Variants in ZNF469 observed in about 807,000 individuals in gnomAD.
ZNF469 encodes zinc finger protein 469.
Under a neutral mutation model 1.0 loss-of-function variants are expected in ZNF469, and 1 was observed. The ratio of observed to expected loss-of-function variants is 1.00; its 90% CI spans 0.35 to 4.73. The LOEUF (loss-of-function observed/expected upper bound fraction) is 4.73. Ranked by LOEUF, ZNF469 falls within the 30% of genes most tolerant of loss-of-function variation. ZNF469 has a pLI of 0.16. For missense variants in ZNF469, 6,100 were observed against 5,356.3 expected (o/e 1.14, Z -4.33); for synonymous variants, 2,703 against 2,363.4 (o/e 1.14, Z -4.17).
the ZNF469 span, among the ~76,000 whole-genome samples, chr16:88,140,092 G>C: frequency 6.6e-6 from 1 of 152,202 alleles, no homozygotes; most frequent in African/African-American, 2.4e-5. Context: ...GGAAATACAT[G>C]TGTTTATCTA....
At chr16:88,164,177 G>A in the ZNF469 span, among the ~76,000 whole-genome samples, 1 of 151,566 alleles carries the variant, frequency 6.6e-6, no homozygotes, top group Non-Finnish European at 1.5e-5. Flanking sequence ...TGGATGGATG[G>A]ATGGACGAGT....
chr16:88,264,856 C>T, the ZNF469 span, among the ~76,000 whole-genome samples: 1 of 152,198 alleles, frequency 6.6e-6, no homozygotes, highest in Non-Finnish European at 1.5e-5. Flanking sequence ...TGCTCAGATG[C>T]TCACTGCGCT....
the ZNF469 span, among the ~76,000 whole-genome samples, chr16:88,155,517 G>T: frequency 1.3e-5 from 2 of 152,200 alleles, no homozygotes; most frequent in African/African-American, 2.4e-5. Context: ...TTCTGCTTCT[G>T]TGGATTTGCC....
chr16:88,130,124 G>A, the ZNF469 span, among the ~76,000 whole-genome samples: 5 of 152,240 alleles, frequency 3.3e-5, no homozygotes, highest in East Asian at 1.9e-4. Context: ...CATTACCATC[G>A]GGCGCTGTTT....
chr16:88,282,627 G>A, the ZNF469 span, among the ~76,000 whole-genome samples: 8 of 152,150 alleles, frequency 5.3e-5, no homozygotes, highest in East Asian at 1.9e-4. Flanking sequence ...CTGCAGAGAC[G>A]TCGGATTGCA....
intron 1 of ZNF469, among the ~76,000 whole-genome samples, chr16:88,389,722 G>A (rs1369442200): frequency 6.6e-6 from 1 of 152,204 alleles, no homozygotes; most frequent in Non-Finnish European, 1.5e-5. Context: ...TTCAAACTGG[G>A]AATGGGGCTC....
chr16:88,130,854 C>G, the ZNF469 span, among the ~76,000 whole-genome samples: 3 of 152,208 alleles, frequency 2.0e-5, no homozygotes, highest in Non-Finnish European at 4.4e-5. Flanking sequence ...ACGACGCTGC[C>G]TGGGATGGCG....
At chr16:88,102,714 G>A in the ZNF469 span, among the ~76,000 whole-genome samples, 14 of 152,298 alleles carry the variant, frequency 9.2e-5, no homozygotes, top group Non-Finnish European at 1.6e-4. Context: ...TGCAGACGCC[G>A]TACTTGGATT....
intron 1 of ZNF469, among the ~76,000 whole-genome samples, chr16:88,415,776 G>A (rs955010746): frequency 2.0e-5 from 3 of 152,340 alleles, no homozygotes; most frequent in African/African-American, 4.8e-5. Flanking sequence ...TCTGCAAACC[G>A]GGACCGACGG....
chr16:88,424,533 C>A lies in ZNF469; in HGVS notation c.-191-274C>A, dbSNP rs1905617695. Among the ~76,000 whole-genome samples the A allele has an allele frequency of 6.6e-6, 1 of 152,070 alleles. No homozygotes were observed. Among genetic ancestry groups the A allele is most frequent in the South Asian group, 2.1e-4 (1 of 4,824 alleles). ...CACAATCTATGCGTACATAAAGACC[C>A]AACAAAAAGAGATTTAAGATAGCCG... On this transcript the variant is annotated intron_variant, in intron 1 of 2. Coordinates refer to ENST00000565624, the MANE Select transcript of ZNF469 (RefSeq NM_001367624.2). This position sits in a 1 kb window ranked among gnomAD's most constrained non-coding sequence, Gnocchi z 4.3.
In ZNF469 at chr16:88,439,338, A is replaced by G. The variant is rs1490093549; in HGVS notation, c.*6A>G. The stretch of plus-strand genomic sequence containing the variant: ...AGAAAGATGCTTCCGAGTAATTTCT[A>G]GGAGCAAGAGCCTGGGACCGGAGCT... On this transcript the variant is annotated 3_prime_UTR_variant, in exon 3 of 3. Transcript: ENST00000565624. The G allele has an allele frequency of 6.5e-7, 1 of 1,550,242 alleles. No individual in the cohort carries two copies. The highest frequency in any genetic ancestry group is 8.7e-7 in the Non-Finnish European group (1 of 1,146,968).
Position 88,431,724 on chromosome 16 carries a change from C to T in ZNF469, c.4254C>T (p.Asp1418=). The T allele has an allele frequency of 2.6e-6, 4 of 1,550,298 alleles. No homozygotes were observed. Among genetic ancestry groups the T allele is most frequent in the Non-Finnish European group, 3.5e-6 (4 of 1,146,980 alleles). The change falls in exon 3 of 3, where the codon GAC becomes GAT. Residue 1418 remains aspartate, a synonymous_variant. Transcript: ENST00000565624. The part of the protein sequence containing the change: ...PPASSSCLCQ[D]GEDAGSLEPQ... ...CCAGCAGCTCCTGCCTTTGCCAGGA[C>T]GGCGAGGATGCCGGTTCCCTCGAGC...
At position 88,435,676 on chromosome 16, in the gene ZNF469, G is replaced by C. The variant is rs374110064; in HGVS notation, c.8206G>C (p.Asp2736His). The change falls in exon 3 of 3, where the codon GAT becomes CAT. Residue 2736 changes from aspartate to histidine, a missense_variant. Physicochemically the swap from Asp to His is moderately conservative, Grantham distance 81. Coordinates refer to ENST00000565624, the MANE Select transcript of ZNF469 (RefSeq NM_001367624.2). ...TCGGATGCTGTGTCCAGGGAGGATG[G>C]ATGGTGCAGCTCTGGGGGAACAGCC... The part of the protein sequence containing the change: ...GDRMLCPGRM[D>H]GAALGEQPTG... The C allele has an allele frequency of 1.9e-6, 3 of 1,550,486 alleles. No individual in the cohort carries two copies. The African/African-American group carries it at 4.1e-5, about 21-fold the overall frequency.
chr16:88,275,203 G>A, the ZNF469 span, among the ~76,000 whole-genome samples: 1 of 152,168 alleles, frequency 6.6e-6, no homozygotes, highest in African/African-American at 2.4e-5. Flanking sequence ...TTTATGTCTC[G>A]CTGACAGTCC....
At chr16:88,208,102 G>C in the ZNF469 span, among the ~76,000 whole-genome samples, 5 of 151,916 alleles carry the variant, frequency 3.3e-5, no homozygotes, top group Admixed American at 3.3e-4. Flanking sequence ...GTGGACTCGT[G>C]GCTTTTTAAA....
the ZNF469 span, among the ~76,000 whole-genome samples, chr16:88,249,727 C>T: frequency 6.6e-5 from 10 of 152,220 alleles, no homozygotes; most frequent in East Asian, 1.9e-4. Flanking sequence ...TGAGCCACCA[C>T]GCCCGGCCAA....
chr16:88,225,148 A>T, the ZNF469 span, among the ~76,000 whole-genome samples: 2 of 152,100 alleles, frequency 1.3e-5, no homozygotes, highest in African/African-American at 4.8e-5. Flanking sequence ...ACTCTGCCCA[A>T]CCTCCGTTCC....
the ZNF469 span, among the ~76,000 whole-genome samples, chr16:88,163,852 G>A: frequency 2.0e-5 from 3 of 150,250 alleles, no homozygotes; most frequent in Middle Eastern, 3.2e-3. Flanking sequence ...AGACGGATGA[G>A]TGGATGGATA....
the ZNF469 span, among the ~76,000 whole-genome samples, chr16:88,341,344 C>A: frequency 6.6e-6 from 1 of 152,148 alleles, no homozygotes; most frequent in Non-Finnish European, 1.5e-5. Context: ...TGGGAACATG[C>A]GTTTGGAATC....
Sources: allele counts gnomAD v4.1 joint callset (sites outside exome capture counted in the v4.1 genomes callset), GRCh38; gene constraint gnomAD v4.1.1; non-coding constraint Gnocchi (gnomAD v3.1); transcripts MANE v1.5; gene names NCBI Gene and HGNC (gene_info 2026-07-23, HGNC 2026-07-21).